Variants in AP1M2 observed in about 807,000 individuals in gnomAD.
AP1M2 encodes the protein AP-1 complex subunit mu-2.
A neutral mutation model predicts 54.6 loss-of-function variants in AP1M2; 41 were observed. That is an observed-to-expected ratio of 0.75 (90% CI 0.59 to 0.97). AP1M2 has a LOEUF of 0.97. Ranked by LOEUF, AP1M2 falls within the 50% of genes least tolerant of loss-of-function variation. AP1M2 has a pLI of 0.00. For missense variants in AP1M2, 507 were observed against 561.2 expected (o/e 0.90, Z 0.98); for synonymous variants, 219 against 215.9 (o/e 1.01, Z -0.13).
At chr19:10,584,145 G>A in intron 1 of AP1M2, 75 bp from the exon 2 acceptor site, 1 of 1,516,484 alleles carries the variant, frequency 6.6e-7, no homozygotes, top group Non-Finnish European at 8.9e-7. Context: ...ACAGTGCCCG[G>A]TTCTGACCCT....
chr19:10,581,255 T>C lies in AP1M2; in HGVS notation c.673+11A>G. On this transcript the variant is annotated intron_variant, in intron 6 of 11. Coordinates refer to ENST00000250244, the MANE Select transcript of AP1M2 (RefSeq NM_005498.5). ...TGCATTTCTCAGAAGAAAGGTCCCCTAAATGCTTACGGCCAGTGAGCTCGA... is the reference window on the plus strand; with the variant it reads ...TGCATTTCTCAGAAGAAAGGTCCCCCAAATGCTTACGGCCAGTGAGCTCGA... 6.2e-7 allele frequency: 1 copy of C among 1,609,584 alleles called. No homozygotes were observed. The highest frequency in any genetic ancestry group is 8.5e-7 in the Non-Finnish European group (1 of 1,176,996).
intron 11 of AP1M2, among the ~76,000 whole-genome samples, chr19:10,573,661 T>C (rs1279554201): frequency 2.0e-5 from 1 of 48,958 alleles, no homozygotes; most frequent in East Asian, 2.6e-3. Flanking sequence ...TTTTTTTTCC[T>C]TTTTTTTTTT....
chr19:10,574,021 A>G (rs982883106), intron 11 of AP1M2, among the ~76,000 whole-genome samples: 3 of 151,808 alleles, frequency 2.0e-5, no homozygotes, highest in Non-Finnish European at 2.9e-5. Context: ...AAGAAGGGGC[A>G]GTTTGCTTTC....
chr19:10,581,835 C>T lies in AP1M2; in HGVS notation c.311G>A (p.Arg104Gln), dbSNP rs185906682. 1,472 of 1,613,764 alleles carry T rather than the reference C, an allele frequency of 9.1e-4. 1 individual carries two copies. Among genetic ancestry groups the T allele is most frequent in the Non-Finnish European group, 1.1e-3 (1,322 of 1,179,934 alleles). The change falls in exon 4 of 12, where the codon CGG becomes CAG. Residue 104 changes from arginine (R) to glutamine (Q), a missense_variant. Arg to Gln is a conservative substitution (Grantham distance 43). Coordinates refer to ENST00000250244, the MANE Select transcript of AP1M2 (RefSeq NM_005498.5). ...YFKELEEESI[R>Q]DNFVIVYELL... ...CTCGTAGACGATGACAAAGTTGTCC[C>T]GGATGCTCTCCTCCTCCAGCTCCTT...
In AP1M2 at chr19:10,579,808, C is replaced by G; in HGVS notation, c.724G>C (p.Val242Leu). The change falls in exon 7 of 12, where the codon GTG becomes CTG. Residue 242 changes from valine (V) to leucine (L), a missense_variant. Coordinates refer to ENST00000250244, the MANE Select transcript of AP1M2 (RefSeq NM_005498.5). Reference protein sequence around the residue: ...ELEDVKFHQCVRLSRFDNDRT... With the variant: ...ELEDVKFHQCLRLSRFDNDRT... Reference sequence around the variant, plus strand: ...TCGTTGTCAAAGCGAGAGAGCCGCACGCACTGGTGGAATTTTACATCCTCC... The same window carrying G: ...TCGTTGTCAAAGCGAGAGAGCCGCAGGCACTGGTGGAATTTTACATCCTCC... 6.2e-7 allele frequency: 1 copy of G among 1,613,494 alleles called. No individual in the cohort carries two copies. Among genetic ancestry groups the G allele is most frequent in the Non-Finnish European group, 8.5e-7 (1 of 1,179,708 alleles).
chr19:10,587,292 C>T lies in AP1M2; in HGVS notation c.-61G>A. On this transcript the variant is annotated 5_prime_UTR_variant, in exon 1 of 12. Coordinates refer to ENST00000250244, the MANE Select transcript of AP1M2 (RefSeq NM_005498.5). ...GCGCCGGGAGGCGATGGCGGCGCCG[C>T]TTCCTTCTTCCTGCGGAAGCGCCTG... 1 of 1,543,490 alleles carries T rather than the reference C, an allele frequency of 6.5e-7. No individual in the cohort carries two copies.
At chr19:10,584,195 T>G in intron 1 of AP1M2, 125 bp from the exon 2 acceptor site, 4 of 1,241,522 alleles carry the variant, frequency 3.2e-6, no homozygotes, top group Non-Finnish European at 4.4e-6. Flanking sequence ...TCTGCCTCCT[T>G]GTGCCTGTTT....
intron 3 of AP1M2, among the ~76,000 whole-genome samples, chr19:10,583,331 G>A (rs933335607): frequency 3.8e-4 from 58 of 151,920 alleles, no homozygotes; most frequent in Admixed American, 3.5e-3. Flanking sequence ...CTTTGATGGC[G>A]GATGCACAGA....
intron 3 of AP1M2, among the ~76,000 whole-genome samples, chr19:10,582,483 G>A (rs950553960): frequency 6.6e-6 from 1 of 151,138 alleles, no homozygotes; most frequent in Non-Finnish European, 1.5e-5. Context: ...GGGCATGGTG[G>A]CTCATGCCTG....
intron 10 of AP1M2, 143 bp from the exon 11 acceptor site, chr19:10,574,635 G>GGT: frequency 3.8e-6 from 3 of 788,404 alleles, no homozygotes; most frequent in Non-Finnish European, 6.0e-6. Context: ...AGGGGGATGA[G>GGT]GTGGCACAGG....
Position 10,575,018 on chromosome 19 carries a change from C to T in AP1M2, c.1059G>A (p.Glu353=), listed in dbSNP as rs199818168. The part of the protein sequence containing the change: ...WSIKSFPGGK[E]YLMRAHFGLP... ...GGCCAAAGTGGGCTCGCATCAAGTA[C>T]TCCTTGCCCCCCTGAGGGAACATGG... is the stretch of plus-strand genomic sequence containing the variant. The change falls in exon 10 of 12, where the codon GAG becomes GAA. Residue 353 remains glutamate, a synonymous_variant. Coordinates refer to ENST00000250244, the MANE Select transcript of AP1M2 (RefSeq NM_005498.5). 4.1e-4 allele frequency: 618 copies of T among 1,521,694 alleles called. 2 individuals carry two copies. In the African/African-American group the frequency reaches 8.0e-3, roughly 20 times the overall value. 94.3% of individuals were successfully genotyped at this position (1,521,694 alleles called of 1,614,324 possible).
intron 2 of AP1M2, 24 bp from the exon 3 acceptor site, chr19:10,583,697 A>C: frequency 6.2e-7 from 1 of 1,608,290 alleles, no homozygotes; most frequent in Non-Finnish European, 8.5e-7. Context: ...GTTAAGGAAA[A>C]GGTGCCATTT....
At position 10,583,900 on chromosome 19, in the gene AP1M2, C is replaced by T. The variant is rs376369508; in HGVS notation, c.199+14G>A. On this transcript the variant is annotated intron_variant, in intron 2 of 11. Coordinates refer to ENST00000250244, the MANE Select transcript of AP1M2 (RefSeq NM_005498.5). ...CCCACACCCACCTCCAGGGACACCA[C>T]GTGGGGTGGATACAGTAGAGGTTGC... The T allele has an allele frequency of 2.7e-5, 43 of 1,587,966 alleles. No individual in the cohort carries two copies. The highest frequency in any genetic ancestry group is 1.1e-4 in the East Asian group (5 of 43,596).
intron 5 of AP1M2, 42 bp from the exon 6 acceptor site, chr19:10,581,434 C>T (rs770022182): frequency 5.2e-5 from 84 of 1,609,906 alleles, no homozygotes; most frequent in Non-Finnish European, 5.5e-5. Flanking sequence ...CATCAAACTC[C>T]GTCTCCTGCA....
intron 1 of AP1M2, among the ~76,000 whole-genome samples, chr19:10,585,918 G>A (rs150946742): frequency 0.016 from 2,438 of 151,938 alleles, 55 homozygotes; most frequent in African/African-American, 0.055. Flanking sequence ...GGATAGCTGG[G>A]GACCAGGAGT....
rs766115907 is a variant in AP1M2, at chr19:10,581,552, A to C, written c.481T>G (p.Ser161Ala). Residue 161 changes from serine to alanine, a missense_variant, in exon 5 of 12, where the codon TCC becomes GCC. By Grantham distance (99) the Ser-to-Ala change is moderately conservative. Coordinates refer to ENST00000250244, the MANE Select transcript of AP1M2 (RefSeq NM_005498.5). ...PTVTNAVSWRSEGIKYKKNEV... is the reference protein window; with the variant it reads ...PTVTNAVSWRAEGIKYKKNEV... ...TTCTTCTTATACTTGATACCCTCGG[A>C]GCGCCAGGACACAGCGTTGGTGACA... The C allele has an allele frequency of 3.7e-6, 6 of 1,613,886 alleles. No individual in the cohort carries two copies. The highest frequency in any genetic ancestry group is 4.2e-6 in the Non-Finnish European group (5 of 1,179,860).
At chr19:10,581,413 T>C (rs757524319) in intron 5 of AP1M2, 21 bp from the exon 6 acceptor site, 1 of 1,608,918 alleles carries the variant, frequency 6.2e-7, no homozygotes, top group East Asian at 2.2e-5. Context: ...ACGTTGGGTA[T>C]AGTTAGCAGG....
At chr19:10,577,734 CTTTTTTTT>C (rs61052727) in intron 8 of AP1M2, among the ~76,000 whole-genome samples, 2 of 113,516 alleles carry the variant, frequency 1.8e-5, no homozygotes, top group Non-Finnish European at 3.6e-5. Context: ...CATGCTTGGC[CTTTTTTTT>C]TTTTTTTTTT....
In AP1M2 at chr19:10,583,620, A is replaced by G; in HGVS notation, c.253T>C (p.Tyr85His). The G allele has an allele frequency of 1.9e-6, 3 of 1,612,678 alleles. No homozygotes were observed. The highest frequency in any genetic ancestry group is 2.5e-6 in the Non-Finnish European group (3 of 1,178,938). ...CTAGTACCTACCTCTATTGTCTTAT[A>G]CAGGAAGGAGTACACCAGGGAGGCA... is the stretch of plus-strand genomic sequence containing the variant. ...ANASLVYSFL[Y>H]KTIEVFCEYF... The change falls in exon 3 of 12, where the codon TAT (tyrosine) becomes CAT (histidine). Residue 85 changes from tyrosine (Y) to histidine (H), a missense_variant. Tyr to His is a moderately conservative substitution (Grantham distance 83). Transcript: ENST00000250244.
Sources: allele counts gnomAD v4.1 joint callset (sites outside exome capture counted in the v4.1 genomes callset), GRCh38; gene constraint gnomAD v4.1.1; transcripts MANE v1.5; gene names NCBI Gene and HGNC (gene_info 2026-07-23, HGNC 2026-07-21).